AHI1: variants seen among roughly 807,000 people sequenced by gnomAD.
The protein encoded by AHI1 is Abelson helper integration site 1.
In AHI1, 123 loss-of-function variants were observed where a neutral mutation model predicts 149.3. That is an observed-to-expected ratio of 0.82 (90% CI 0.71 to 0.96). The LOEUF (loss-of-function observed/expected upper bound fraction) is 0.96. Ranked by LOEUF, AHI1 falls within the 40% of genes least tolerant of loss-of-function variation. AHI1 has a pLI of 0.00. For missense variants in AHI1, 1,439 were observed against 1,422.7 expected (o/e 1.01, Z -0.18); for synonymous variants, 475 against 459.8 (o/e 1.03, Z -0.42).
intron 5 of AHI1, among the ~76,000 whole-genome samples, chr6:135,481,158 T>A (rs556171408): frequency 3.5e-4 from 53 of 152,198 alleles, no homozygotes; most frequent in Non-Finnish European, 7.1e-4. Flanking sequence ...CTTGGGACTG[T>A]AGAGTCCTCA....
At chr6:135,288,869 C>T (rs1240089036) in intron 28 of AHI1, among the ~76,000 whole-genome samples, 2 of 151,752 alleles carry the variant, frequency 1.3e-5, no homozygotes, top group Non-Finnish European at 2.9e-5. Flanking sequence ...AACATATTAC[C>T]TAATTATACT....
intron 5 of AHI1, among the ~76,000 whole-genome samples, chr6:135,480,054 G>A (rs1196987751): frequency 1.3e-5 from 2 of 152,190 alleles, no homozygotes; most frequent in Non-Finnish European, 2.9e-5. Flanking sequence ...TGAACTGTGA[G>A]GTGACTAAAT....
chr6:135,318,354 T>C (rs975553680), intron 26 of AHI1, 165 bp downstream of exon 26: 8 of 577,090 alleles, frequency 1.4e-5, no homozygotes, highest in African/African-American at 5.6e-5. Flanking sequence ...ATCTGGAAAA[T>C]GGCTATAACG....
chr6:135,468,300 A>G (rs909205454), intron 5 of AHI1, among the ~76,000 whole-genome samples: 3 of 152,102 alleles, frequency 2.0e-5, no homozygotes, highest in African/African-American at 7.2e-5. Context: ...ATAAATAAGG[A>G]AAAAAACCCC....
At chr6:135,395,016 G>T in intron 22 of AHI1, 120 bp from the exon 23 acceptor site, 1 of 948,518 alleles carries the variant, frequency 1.1e-6, no homozygotes, top group Non-Finnish European at 1.5e-6. Flanking sequence ...CAAAAGGAGT[G>T]GTAATGATGT....
intron 23 of AHI1, chr6:135,388,141 T>A: frequency 8.3e-7 from 1 of 1,205,678 alleles, no homozygotes; most frequent in Non-Finnish European, 1.2e-6. Flanking sequence ...AATCAGTTAA[T>A]TTTGTAGATT....
chr6:135,456,022 GAATA>G (rs1357845172), intron 9 of AHI1, 96 bp from the exon 10 acceptor site: 1 of 770,168 alleles, frequency 1.3e-6, no homozygotes, highest in Non-Finnish European at 1.8e-6. Flanking sequence ...CAGAAATAAT[GAATA>G]GTCATAATAA....
rs200391867 is a variant in AHI1 at position 135,320,231 on chromosome 6, T to TG, written c.3329-1616_3329-1615insC. On this transcript the variant is annotated intron_variant, in intron 25 of 28. Transcript: ENST00000265602. ...TCGCAGATTTTTCTAAGTTTTTTTT[T>TG]TTTGTTTGTTCTGGTCTATACAAGG... Among the ~76,000 whole-genome samples the TG allele has an allele frequency of 2.6e-3, 396 of 152,014 alleles. 4 individuals are homozygous for TG. The highest frequency in any genetic ancestry group is 8.9e-3 in the African/African-American group (368 of 41,440).
At chr6:135,439,310 A>G (rs1785905393) in intron 14 of AHI1, among the ~76,000 whole-genome samples, 1 of 152,208 alleles carries the variant, frequency 6.6e-6, no homozygotes, top group South Asian at 2.1e-4. Flanking sequence ...ATCTCATGCC[A>G]TTTAGCTCCA....
At chr6:135,359,069 T>C (rs1454161512) in intron 23 of AHI1, among the ~76,000 whole-genome samples, 1 of 152,218 alleles carries the variant, frequency 6.6e-6, no homozygotes, top group East Asian at 1.9e-4. Flanking sequence ...GTTTAAATGT[T>C]AGTTTCTCTT....
At chr6:135,481,584 G>C (rs1793650277) in intron 5 of AHI1, among the ~76,000 whole-genome samples, 1 of 151,302 alleles carries the variant, frequency 6.6e-6, no homozygotes, top group Non-Finnish European at 1.5e-5. Context: ...AATTATTCTT[G>C]CTTTTATAAA....
At chr6:135,315,010 A>C (rs1785736013) in intron 26 of AHI1, among the ~76,000 whole-genome samples, 1 of 152,182 alleles carries the variant, frequency 6.6e-6, no homozygotes, top group Non-Finnish European at 1.5e-5. Context: ...ATTGTAATCC[A>C]TATCTAGTTT....
Position 135,411,383 on chromosome 6 carries a change from T to A in AHI1, c.2926A>T (p.Met976Leu), listed in dbSNP as rs770006937. 3 of 1,613,888 alleles carry A rather than the reference T, an allele frequency of 1.9e-6. No individual in the cohort carries two copies. Among genetic ancestry groups the A allele is most frequent in the Non-Finnish European group, 2.5e-6 (3 of 1,179,776 alleles). ...TCAAGCCTCTGTTTTACTAGCTGCA[T>A]CTTCGTTGAAGAACTTTCAGTGTGG... Reference protein sequence around the residue: ...FVHTESSSTKMQLVKQRLETV... With the variant: ...FVHTESSSTKLQLVKQRLETV... The change falls in exon 21 of 29, where the codon ATG becomes TTG. Residue 976 changes from methionine to leucine, a missense_variant. Met to Leu is a conservative substitution (Grantham distance 15). Coordinates refer to ENST00000265602, the MANE Select transcript of AHI1 (RefSeq NM_001134831.2).
chr6:135,477,276 G>A (rs575458965), intron 5 of AHI1, among the ~76,000 whole-genome samples: 20 of 152,098 alleles, frequency 1.3e-4, no homozygotes, highest in African/African-American at 4.1e-4. Flanking sequence ...TCCTGACCTC[G>A]TGATCCACTC....
chr6:135,463,361 T>A, intron 7 of AHI1, 55 bp from the exon 8 acceptor site: 1 of 1,386,708 alleles, frequency 7.2e-7, no homozygotes, highest in Non-Finnish European at 9.7e-7. Context: ...TTATAATTAT[T>A]ATTCATGATG....
chr6:135,349,266 C>A (rs549049917), intron 24 of AHI1, among the ~76,000 whole-genome samples: 1 of 152,130 alleles, frequency 6.6e-6, no homozygotes, highest in African/African-American at 2.4e-5. Context: ...GGCAGGCATG[C>A]GCCACCACAC....
At chr6:135,372,459 GGGAGTCTGAGACTAGCCCT>G (rs1463940181) in intron 23 of AHI1, among the ~76,000 whole-genome samples, 6 of 151,404 alleles carry the variant, frequency 4.0e-5, no homozygotes, top group African/African-American at 1.5e-4. Flanking sequence ...GTTTAAGCCC[GGGAGTCTGAGACTAGCCCT>G]GGCAACATAG....
chr6:135,433,227 T>C lies in AHI1; in HGVS notation c.2066A>G (p.Asn689Ser), dbSNP rs746824351. The C allele has an allele frequency of 1.2e-6, 2 of 1,609,022 alleles. No homozygotes were observed. The highest frequency in any genetic ancestry group is 1.7e-5 in the Admixed American group (1 of 60,002). The part of the protein sequence containing the change: ...RIWKNEINNT[N>S]TFRVLPHPSF... ...AGGATGAGGTAAAACTCTGAAAGTA[T>C]TTGTATTGTTTATTTCATTTTTCCA... The change falls in exon 16 of 29, where the codon AAT becomes AGT. Residue 689 changes from asparagine to serine, a missense_variant. Transcript: ENST00000265602.
At chr6:135,449,188 A>G (rs1787713888) in intron 11 of AHI1, among the ~76,000 whole-genome samples, 1 of 151,976 alleles carries the variant, frequency 6.6e-6, no homozygotes, top group Non-Finnish European at 1.5e-5. Context: ...AGCTAGGATT[A>G]CAGGTGCATG....
Sources: gnomAD v4.1 joint callset for allele counts (sites outside exome capture counted in the v4.1 genomes callset) on GRCh38, gnomAD v4.1.1 for gene constraint, MANE v1.5 for transcripts, NCBI Gene and HGNC (gene_info 2026-07-23, HGNC 2026-07-21) for gene names.